STK3: variants seen among roughly 807,000 people sequenced by gnomAD.
STK3 encodes the protein serine/threonine-protein kinase 3.
STK3 carries 41 observed loss-of-function variants against 58.0 expected under a neutral mutation model. That is an observed-to-expected ratio of 0.71 (90% CI 0.55 to 0.92). The LOEUF is 0.92. STK3 is among the 40% of genes least tolerant of loss of function. STK3 has a pLI of 0.00. For missense variants in STK3, 479 were observed against 602.7 expected (o/e 0.79, Z 2.15); for synonymous variants, 170 against 191.0 (o/e 0.89, Z 0.91).
At chr8:98,501,683 T>G (rs1483790106) in intron 10 of STK3, among the ~76,000 whole-genome samples, 1 of 152,242 alleles carries the variant, frequency 6.6e-6, no homozygotes, top group Non-Finnish European at 1.5e-5. Context: ...ATTTCTTGTT[T>G]TCATCAGGTT....
At chr8:98,409,740 G>A (rs1342380820) in intron 3 of STK3, among the ~76,000 whole-genome samples, 1 of 152,168 alleles carries the variant, frequency 6.6e-6, no homozygotes, top group East Asian at 1.9e-4. Flanking sequence ...CCTGGCTCTG[G>A]GGGCTTGCAC....
chr8:98,820,835 T>G (rs2131730293), intron 1 of STK3, among the ~76,000 whole-genome samples: 1 of 151,946 alleles, frequency 6.6e-6, no homozygotes, highest in South Asian at 2.1e-4. Context: ...AAAGTTAACC[T>G]GGTGTGGTGG....
At chr8:98,691,569 C>T (rs1824404817) in intron 6 of STK3, among the ~76,000 whole-genome samples, 1 of 151,984 alleles carries the variant, frequency 6.6e-6, no homozygotes, top group Non-Finnish European at 1.5e-5. Flanking sequence ...AGTAGGACAC[C>T]TTCACCAGCA....
intron 3 of STK3, among the ~76,000 whole-genome samples, chr8:98,396,372 T>C (rs573772909): frequency 6.6e-6 from 1 of 152,358 alleles, no homozygotes; most frequent in South Asian, 2.1e-4. Context: ...ATGCTTATTG[T>C]GTCTACTGGG....
intron 6 of STK3, among the ~76,000 whole-genome samples, chr8:98,688,032 A>T (rs1191118224): frequency 6.6e-6 from 1 of 152,210 alleles, no homozygotes; most frequent in African/African-American, 2.4e-5. Flanking sequence ...TCTGCAAAAG[A>T]ACCATCTCAC....
intron 4 of STK3, among the ~76,000 whole-genome samples, chr8:98,721,525 T>C (rs1827428399): frequency 6.6e-6 from 1 of 151,386 alleles, no homozygotes; most frequent in Non-Finnish European, 1.5e-5. Flanking sequence ...AATAAATTTT[T>C]AAAAAGAAAA....
chr8:98,414,037 G>A (rs1226188127), intron 3 of STK3, among the ~76,000 whole-genome samples: 3 of 152,232 alleles, frequency 2.0e-5, no homozygotes, highest in Admixed American at 1.3e-4. Context: ...GCCACAGTGG[G>A]TGGATCACCT....
chr8:98,527,871 T>G (rs1332893911), intron 9 of STK3, among the ~76,000 whole-genome samples: 2 of 152,140 alleles, frequency 1.3e-5, no homozygotes, highest in Non-Finnish European at 2.9e-5. Flanking sequence ...TAATCTGAGG[T>G]GAGTTGCCAA....
chr8:98,790,092 A>T (rs1832716426), intron 1 of STK3, among the ~76,000 whole-genome samples: 1 of 151,792 alleles, frequency 6.6e-6, no homozygotes, highest in Non-Finnish European at 1.5e-5. Context: ...AGTCTACCAG[A>T]CATTCAAAGA....
At chr8:98,801,983 G>T (rs1016986962) in intron 1 of STK3, among the ~76,000 whole-genome samples, 2 of 152,098 alleles carry the variant, frequency 1.3e-5, no homozygotes, top group Non-Finnish European at 2.9e-5. Context: ...ACTAGCCTGG[G>T]CAATGTAGCA....
chr8:98,368,997 C>T (rs1563585361), downstream of STK3, among the ~76,000 whole-genome samples: 1 of 152,324 alleles, frequency 6.6e-6, no homozygotes, highest in East Asian at 1.9e-4. Flanking sequence ...ATTTCCAACT[C>T]TCTCGCTATT....
chr8:98,374,560 T>C (rs1351132766), intron 2 of STK3, among the ~76,000 whole-genome samples: 1 of 152,208 alleles, frequency 6.6e-6, no homozygotes, highest in Non-Finnish European at 1.5e-5. Context: ...CTAAACACTT[T>C]AGTAAATAGA....
chr8:98,644,493 ATGT>A (rs1354334310), intron 6 of STK3, among the ~76,000 whole-genome samples: 1 of 152,140 alleles, frequency 6.6e-6, no homozygotes, highest in African/African-American at 2.4e-5. Context: ...TGATTTCCTT[ATGT>A]TGTTTACAGT....
At position 98,837,776 on chromosome 8, in the gene STK3, G is replaced by A. The variant is rs371469477; in HGVS notation, c.110+45871C>T. ...AGACCCCCATCTCTACCAAAAAAAT[G>A]TAAAAGTCAACTGGGCATGGTGGCA... On this transcript the variant is annotated intron_variant, in intron 3 of 12. Coordinates refer to the STK3 transcript ENST00000523601. 1.9e-3 allele frequency among the ~76,000 whole-genome samples: 287 copies of A among 152,146 alleles called. 7 individuals are homozygous for A. The South Asian group carries it at 0.057, about 30-fold the overall frequency.
chr8:98,414,092 C>T (rs1287512187), intron 3 of STK3, among the ~76,000 whole-genome samples: 1 of 152,076 alleles, frequency 6.6e-6, no homozygotes, highest in Non-Finnish European at 1.5e-5. Context: ...GGTGAAACCC[C>T]GTCTCTACTA....
At chr8:98,413,067 G>A (rs1818073297) in intron 3 of STK3, 2 of 246,600 alleles carry the variant, frequency 8.1e-6, no homozygotes, top group South Asian at 9.6e-5. Flanking sequence ...AGGTTGGAGT[G>A]CAGTGGCGCG....
At chr8:98,365,879 T>C in the STK3 span, among the ~76,000 whole-genome samples, 5 of 152,256 alleles carry the variant, frequency 3.3e-5, no homozygotes, top group East Asian at 7.7e-4. Context: ...TGCCTTCTAG[T>C]TGCTGTACAG....
At chr8:98,867,871 C>A (rs1045692975) in intron 3 of STK3, among the ~76,000 whole-genome samples, 3 of 152,124 alleles carry the variant, frequency 2.0e-5, no homozygotes, top group Non-Finnish European at 2.9e-5. Context: ...TATAATAAGC[C>A]CCTGGTAAAC....
chr8:98,465,011 G>A (rs1464139308), intron 10 of STK3, among the ~76,000 whole-genome samples: 1 of 152,102 alleles, frequency 6.6e-6, no homozygotes, highest in Admixed American at 6.6e-5. Context: ...AAGAAACTTA[G>A]GATTCTAGAT....
Sources: gnomAD v4.1 joint callset for allele counts (sites outside exome capture counted in the v4.1 genomes callset) on GRCh38, gnomAD v4.1.1 for gene constraint, MANE v1.5 for transcripts, NCBI Gene and HGNC (gene_info 2026-07-23, HGNC 2026-07-21) for gene names.